The following CCDC171 variants were observed in gnomAD, a reference collection of about 807,000 sequenced individuals.
CCDC171 encodes the protein coiled-coil domain containing 171.
CCDC171 carries 177 observed loss-of-function variants against 168.2 expected under a neutral mutation model. That is an observed-to-expected ratio of 1.05 (90% confidence interval 0.93 to 1.19). CCDC171 has a LOEUF of 1.19. Ranked by LOEUF, CCDC171 falls within the 50% of genes most tolerant of loss-of-function variation. The pLI is 0.00. For missense variants in CCDC171, 1,991 were observed against 1,539.0 expected (o/e 1.29, Z -4.91); for synonymous variants, 687 against 540.8 (o/e 1.27, Z -3.75).
intron 24 of CCDC171, among the ~76,000 whole-genome samples, chr9:15,917,417 A>G (rs1824677886): frequency 6.6e-6 from 1 of 151,804 alleles, no homozygotes; most frequent in African/African-American, 2.4e-5. Flanking sequence ...TCAAAATACT[A>G]CTTTAAGAGA....
chr9:15,810,638 T>A (rs2059307794), intron 21 of CCDC171, among the ~76,000 whole-genome samples: 1 of 152,130 alleles, frequency 6.6e-6, no homozygotes, highest in African/African-American at 2.4e-5. Flanking sequence ...CCGCAGCTGC[T>A]GGCCTGGGTG....
intron 20 of CCDC171, among the ~76,000 whole-genome samples, chr9:15,783,011 C>T (rs142704060): frequency 2.6e-5 from 4 of 152,104 alleles, no homozygotes; most frequent in Non-Finnish European, 5.9e-5. Context: ...TTATGCTACA[C>T]TATTGGCTTT....
intron 22 of CCDC171, among the ~76,000 whole-genome samples, chr9:15,847,292 G>C (rs927821595): frequency 3.3e-5 from 5 of 152,002 alleles, no homozygotes; most frequent in African/African-American, 1.2e-4. Flanking sequence ...CAATCAGCAT[G>C]TGTATCATAG....
chr9:15,903,836 C>A (rs1360582477), intron 24 of CCDC171, among the ~76,000 whole-genome samples: 1 of 152,128 alleles, frequency 6.6e-6, no homozygotes, highest in Non-Finnish European at 1.5e-5. Context: ...CTTAATGGAC[C>A]TTATGGAGCT....
intron 7 of CCDC171, among the ~76,000 whole-genome samples, chr9:15,628,164 CAG>C (rs1215205925): frequency 6.6e-6 from 1 of 152,108 alleles, no homozygotes; most frequent in African/African-American, 2.4e-5. Context: ...TAGGGAGTGC[CAG>C]ACAGTGGGCG....
At chr9:15,636,682 T>G (rs894811834) in intron 7 of CCDC171, among the ~76,000 whole-genome samples, 1 of 143,604 alleles carries the variant, frequency 7.0e-6, no homozygotes, top group African/African-American at 2.6e-5. Flanking sequence ...CTGGGGAGTT[T>G]GGGCCTGCAG....
intron 1 of CCDC171, among the ~76,000 whole-genome samples, chr9:15,561,882 C>G (rs752893366): frequency 6.6e-6 from 1 of 151,988 alleles, no homozygotes; most frequent in Non-Finnish European, 1.5e-5. Context: ...GTGTGGAAAC[C>G]CATTTTCCTT....
intron 21 of CCDC171, among the ~76,000 whole-genome samples, chr9:15,799,845 G>T (rs934060061): frequency 6.6e-6 from 1 of 151,812 alleles, no homozygotes; most frequent in African/African-American, 2.4e-5. Context: ...TGGATTTTTA[G>T]CCCCTCCAAA....
At chr9:15,669,163 A>G (rs1250634026) in intron 9 of CCDC171, among the ~76,000 whole-genome samples, 3 of 152,206 alleles carry the variant, frequency 2.0e-5, no homozygotes, top group Admixed American at 6.5e-5. Context: ...TTTGGTCCAT[A>G]GTTTCATAAC....
At chr9:15,593,674 A>G (rs547171571) in intron 5 of CCDC171, among the ~76,000 whole-genome samples, 110 of 152,192 alleles carry the variant, frequency 7.2e-4, no homozygotes, top group African/African-American at 2.5e-3. Context: ...TATCTATCAT[A>G]TGATATCATA....
intron 6 of CCDC171, among the ~76,000 whole-genome samples, chr9:16,030,565 T>A (rs1280680443): frequency 1.3e-5 from 2 of 152,202 alleles, no homozygotes; most frequent in Non-Finnish European, 2.9e-5. Flanking sequence ...TATGCAAAAG[T>A]AGCAGTGTGT....
intron 16 of CCDC171, among the ~76,000 whole-genome samples, chr9:15,737,452 T>C (rs2054570646): frequency 6.6e-6 from 1 of 152,130 alleles, no homozygotes; most frequent in Non-Finnish European, 1.5e-5. Context: ...GTTGCCAGGA[T>C]CTGAAAGCAC....
At chr9:16,076,325 C>G in the CCDC171 span, among the ~76,000 whole-genome samples, 2 of 152,168 alleles carry the variant, frequency 1.3e-5, no homozygotes, top group East Asian at 3.9e-4. Context: ...CCTGGTACCC[C>G]CTGCGCCGGG....
intron 18 of CCDC171, among the ~76,000 whole-genome samples, chr9:15,747,663 G>A (rs1181633409): frequency 6.6e-6 from 1 of 152,204 alleles, no homozygotes; most frequent in Non-Finnish European, 1.5e-5. Context: ...TGAGGAGCCT[G>A]TTAGAAGGAA....
intron 25 of CCDC171, among the ~76,000 whole-genome samples, chr9:15,968,140 G>A (rs541107126): frequency 3.3e-5 from 5 of 152,214 alleles, no homozygotes; most frequent in African/African-American, 1.2e-4. Flanking sequence ...AGTTCAAATA[G>A]AATCATTTAT....
chr9:15,578,069 CAA>C (rs1422630432), intron 3 of CCDC171, among the ~76,000 whole-genome samples: 1 of 152,010 alleles, frequency 6.6e-6, no homozygotes, highest in Non-Finnish European at 1.5e-5. Flanking sequence ...ATATCATAAT[CAA>C]GAGAAATAAT....
At chr9:16,002,270 A>T (rs1052858850) in intron 3 of CCDC171, among the ~76,000 whole-genome samples, 9 of 151,006 alleles carry the variant, frequency 6.0e-5, no homozygotes, top group Non-Finnish European at 1.3e-4. Flanking sequence ...ATCATAGGAG[A>T]TGACAAGTCA....
chr9:16,011,037 G>T (rs1219209305), intron 3 of CCDC171, among the ~76,000 whole-genome samples: 2 of 152,156 alleles, frequency 1.3e-5, no homozygotes, highest in Non-Finnish European at 2.9e-5. Context: ...CAAATGGGAG[G>T]CCAATGGAGT....
At chr9:15,669,041 A>G (rs1231855299) in intron 9 of CCDC171, among the ~76,000 whole-genome samples, 1 of 152,060 alleles carries the variant, frequency 6.6e-6, no homozygotes, top group Non-Finnish European at 1.5e-5. Context: ...TCATGCTTGA[A>G]CCTGCCATTG....
Sources: allele counts gnomAD v4.1 joint callset (sites outside exome capture counted in the v4.1 genomes callset), GRCh38; gene constraint gnomAD v4.1.1; transcripts MANE v1.5; gene names NCBI Gene and HGNC (gene_info 2026-07-23, HGNC 2026-07-21).